Variants in HOMER2 observed in about 807,000 individuals in gnomAD.
The protein encoded by HOMER2 is homer protein homolog 2.
A neutral mutation model predicts 47.0 loss-of-function variants in HOMER2; 27 were observed. The ratio of observed to expected loss-of-function variants is 0.57; its 90% CI spans 0.42 to 0.79. The LOEUF (loss-of-function observed/expected upper bound fraction) is 0.79, where lower values mean the gene tolerates loss of function less well. Among genes scored for constraint, HOMER2 ranks in the 30% least tolerant of loss-of-function variants. The pLI, the probability that HOMER2 is intolerant of heterozygous loss-of-function variation, is 0.00. For missense variants in HOMER2, 443 were observed against 435.0 expected, an observed-to-expected ratio of 1.02 and a Z score of -0.16; for synonymous variants, 161 against 163.8, an observed-to-expected ratio of 0.98 and a Z score of 0.13.
chr15:82,860,285 G>A (rs1489313165), intron 4 of HOMER2, among the ~76,000 whole-genome samples: 3 of 152,082 alleles, frequency 2.0e-5, no homozygotes, highest in African/African-American at 7.2e-5. Context: ...ATATTGACAA[G>A]CTCTTAGAGT....
At chr15:82,870,521 A>T (rs983591694) in intron 3 of HOMER2, among the ~76,000 whole-genome samples, 2 of 152,232 alleles carry the variant, frequency 1.3e-5, no homozygotes, top group Non-Finnish European at 2.9e-5. Context: ...TCATGGAGCC[A>T]CTGTACTAGC....
chr15:82,949,524 G>A (rs1186016650), intron 1 of HOMER2, among the ~76,000 whole-genome samples: 1 of 152,150 alleles, frequency 6.6e-6, no homozygotes, highest in African/African-American at 2.4e-5. Context: ...CAAGACCCTG[G>A]CAGTTTTGGT....
intron 5 of HOMER2, among the ~76,000 whole-genome samples, chr15:82,857,584 C>T (rs2051631043): frequency 6.6e-6 from 1 of 152,036 alleles, no homozygotes; most frequent in African/African-American, 2.4e-5. Context: ...GCATGTATCA[C>T]CGTGCCCGGC....
intron 1 of HOMER2, among the ~76,000 whole-genome samples, chr15:82,919,605 T>A (rs1395252653): frequency 1.3e-5 from 2 of 152,250 alleles, no homozygotes; most frequent in African/African-American, 4.8e-5. Flanking sequence ...AGAAATTAAT[T>A]GGAACGTCCA....
chr15:82,901,508 A>C (rs1424841002), intron 1 of HOMER2, among the ~76,000 whole-genome samples: 3 of 152,164 alleles, frequency 2.0e-5, no homozygotes, highest in Non-Finnish European at 4.4e-5. Flanking sequence ...CCACACATAT[A>C]TCTCCCTCCA....
At position 82,851,198 on chromosome 15, in the gene HOMER2, T is replaced by C. The variant is rs2151598781; in HGVS notation, c.796A>G (p.Ile266Val). Residue 266 changes from isoleucine to valine, a missense_variant, in exon 8 of 9, where the codon ATA becomes GTA. By Grantham distance (29) the Ile-to-Val change is conservative. Transcript: ENST00000450735. ...TCGCACTCTGACATGAGCTGAGGTA[T>C]GATTTCACTTTGTTTTCGGAGATCT... is the stretch of plus-strand genomic sequence containing the variant. ...LKDLRKQSEI[I>V]PQLMSECEYV... The C allele has an allele frequency of 1.9e-6, 3 of 1,570,264 alleles. No homozygotes were observed. Among genetic ancestry groups the C allele is most frequent in the East Asian group, 2.3e-5 (1 of 43,200 alleles).
At chr15:82,867,606 T>C (rs1450603133) in intron 3 of HOMER2, among the ~76,000 whole-genome samples, 2 of 152,198 alleles carry the variant, frequency 1.3e-5, no homozygotes, top group Non-Finnish European at 2.9e-5. Flanking sequence ...CGAGGTACCA[T>C]TGTTTGCCTG....
upstream of HOMER2, among the ~76,000 whole-genome samples, chr15:82,954,790 T>C (rs1264102810): frequency 6.6e-6 from 1 of 152,116 alleles, no homozygotes; most frequent in African/African-American, 2.4e-5. Flanking sequence ...TTTGTTGTTG[T>C]TGTTGTTGAG....
At chr15:82,854,475 A>T (rs920829568) in intron 6 of HOMER2, among the ~76,000 whole-genome samples, 169 bp downstream of exon 6, 1 of 152,106 alleles carries the variant, frequency 6.6e-6, no homozygotes, top group Non-Finnish European at 1.5e-5. Context: ...AATTCCTACT[A>T]AGAAAGGCAG....
intron 1 of HOMER2, among the ~76,000 whole-genome samples, chr15:82,917,592 G>A (rs1239424991): frequency 6.6e-6 from 1 of 152,236 alleles, no homozygotes; most frequent in African/African-American, 2.4e-5. Flanking sequence ...CAGTGTATGT[G>A]AGAGGGAGAA....
intron 1 of HOMER2, among the ~76,000 whole-genome samples, chr15:82,935,947 G>A (rs769226570): frequency 7.2e-5 from 11 of 152,176 alleles, no homozygotes; most frequent in Middle Eastern, 3.2e-3. Context: ...GGATCATGCT[G>A]CAGCCCTGCT....
intron 3 of HOMER2, among the ~76,000 whole-genome samples, chr15:82,864,758 A>C (rs1291396760): frequency 1.3e-5 from 2 of 152,246 alleles, no homozygotes; most frequent in African/African-American, 2.4e-5. Context: ...TCATTATACT[A>C]TGCCCTCCAC....
At chr15:82,919,302 G>C (rs951835529) in intron 1 of HOMER2, among the ~76,000 whole-genome samples, 2 of 152,176 alleles carry the variant, frequency 1.3e-5, no homozygotes, top group African/African-American at 4.8e-5. Flanking sequence ...TCTGCCTTCA[G>C]GCCTTACTCA....
intron 1 of HOMER2, among the ~76,000 whole-genome samples, chr15:82,964,848 G>T (rs1195749035): frequency 3.9e-5 from 6 of 152,298 alleles, no homozygotes; most frequent in East Asian, 1.9e-4. Context: ...ACAGAAAGCA[G>T]TGTTTCCATG....
intron 2 of HOMER2, among the ~76,000 whole-genome samples, chr15:82,892,070 G>A (rs2052727080): frequency 6.6e-6 from 1 of 151,644 alleles, no homozygotes; most frequent in Non-Finnish European, 1.5e-5. Context: ...AAATATCATG[G>A]GAGACAGAAT....
chr15:82,844,494 CAGTA>C (rs1354470315), downstream of HOMER2: 1 of 151,938 alleles, frequency 6.6e-6, no homozygotes, highest in Non-Finnish European at 1.5e-5. Context: ...AGTTATAAAA[CAGTA>C]TGTATAATAT....
intron 1 of HOMER2, among the ~76,000 whole-genome samples, chr15:82,978,500 T>C (rs1179741254): frequency 1.3e-5 from 2 of 152,164 alleles, no homozygotes; most frequent in African/African-American, 2.4e-5. Context: ...AGGGACAGCA[T>C]GTGTACAACA....
chr15:82,952,079 T>A, intron 1 of HOMER2: 1 of 977,974 alleles, frequency 1.0e-6, no homozygotes. Flanking sequence ...ATTCCTACGC[T>A]GGAGGTTTAT....
At chr15:82,852,291 TTAACA>T in intron 6 of HOMER2, 39 bp from the exon 7 acceptor site, 1 of 1,399,524 alleles carries the variant, frequency 7.1e-7, no homozygotes, top group Non-Finnish European at 1.0e-6. Flanking sequence ...GGACGCCAGC[TTAACA>T]TTAGTCATTA....
Sources: allele counts gnomAD v4.1 joint callset (sites outside exome capture counted in the v4.1 genomes callset), GRCh38; gene constraint gnomAD v4.1.1; transcripts MANE v1.5; gene names NCBI Gene and HGNC (gene_info 2026-07-23, HGNC 2026-07-21).